Variants in ACER1 observed in about 807,000 individuals in gnomAD.
ACER1 encodes the protein alkaline ceramidase 1.
Under a neutral mutation model 24.9 loss-of-function variants are expected in ACER1, and 28 were observed. The observed-to-expected ratio is 1.13, with a 90% CI of 0.83 to 1.54. ACER1 has a LOEUF of 1.54. Among genes scored for constraint, ACER1 ranks in the 40% most tolerant of loss-of-function variants. ACER1 has a pLI of 0.00. For missense variants in ACER1, 352 were observed against 349.3 expected (o/e 1.01, Z -0.06); for synonymous variants, 132 against 131.4 (o/e 1.00, Z -0.03).
chr19:6,352,131 C>T, the ACER1 span, among the ~76,000 whole-genome samples: 9 of 152,080 alleles, frequency 5.9e-5, no homozygotes, highest in Middle Eastern at 3.4e-3. Flanking sequence ...TCTTTGCTAA[C>T]GTGGCCATGA....
At chr19:6,318,286 A>G (rs1333215900) in intron 1 of ACER1, among the ~76,000 whole-genome samples, 1 of 152,040 alleles carries the variant, frequency 6.6e-6, no homozygotes, top group Non-Finnish European at 1.5e-5. Flanking sequence ...CCTGGCCAAC[A>G]TGGAGAAACC....
chr19:6,352,566 G>A, the ACER1 span, among the ~76,000 whole-genome samples: 1 of 152,200 alleles, frequency 6.6e-6, no homozygotes, highest in Non-Finnish European at 1.5e-5. Flanking sequence ...CCTAAGTTTA[G>A]GGGCGGTTTG....
chr19:6,312,649 T>C, intron 1 of ACER1, 150 bp from the exon 2 acceptor site: 1 of 586,812 alleles, frequency 1.7e-6, no homozygotes. Context: ...CACTCACCTG[T>C]CAACCTTTCA....
chr19:6,308,642 G>T (rs2144994873), intron 4 of ACER1, among the ~76,000 whole-genome samples: 1 of 152,120 alleles, frequency 6.6e-6, no homozygotes, highest in Non-Finnish European at 1.5e-5. Flanking sequence ...GTATGTTTTG[G>T]GGTAGAGGTA....
chr19:6,319,320 C>T (rs960408503), intron 1 of ACER1, among the ~76,000 whole-genome samples: 9 of 152,124 alleles, frequency 5.9e-5, no homozygotes, highest in African/African-American at 2.2e-4. Context: ...GTCTCCCTCC[C>T]TGCCTTCCGG....
chr19:6,355,959 G>A, the ACER1 span, among the ~76,000 whole-genome samples: 14 of 151,992 alleles, frequency 9.2e-5, no homozygotes, highest in South Asian at 4.1e-4. Context: ...CCACCACCCC[G>A]TCTGGGAGGT....
chr19:6,354,323 T>C, the ACER1 span, among the ~76,000 whole-genome samples: 9 of 151,138 alleles, frequency 6.0e-5, no homozygotes, highest in South Asian at 2.1e-4. Context: ...TTTTTTTTAA[T>C]TGATGGGGGT....
At chr19:6,338,556 T>C (rs890314507), upstream of ACER1, among the ~76,000 whole-genome samples, 8 of 152,196 alleles carry the variant, frequency 5.3e-5, no homozygotes, top group Non-Finnish European at 1.0e-4. Flanking sequence ...TCTATATTAT[T>C]ATTGCAGGTT....
At chr19:6,324,622 G>A (rs1489131028) in intron 1 of ACER1, among the ~76,000 whole-genome samples, 2 of 151,256 alleles carry the variant, frequency 1.3e-5, no homozygotes, top group East Asian at 2.0e-4. Context: ...AAAATTAACC[G>A]GGCGTGGTGG....
In ACER1 at chr19:6,307,321, G is replaced by A. The variant is rs1202598613; in HGVS notation, c.489-31C>T. 4.8e-5 allele frequency: 78 copies of A among 1,611,536 alleles called. 1 individual carries two copies. In the Admixed American group the frequency reaches 1.3e-3, roughly 27 times the overall value. Reference sequence around the variant, plus strand: ...GAGGGGAGAGGGGGACCAGGGGCTGGCTCGGAGAGCAGCACCTGATGGGGC... The same window carrying A: ...GAGGGGAGAGGGGGACCAGGGGCTGACTCGGAGAGCAGCACCTGATGGGGC... On this transcript the variant is annotated intron_variant, in intron 4 of 5. Transcript: ENST00000301452.
At chr19:6,347,744 G>A in the ACER1 span, among the ~76,000 whole-genome samples, 7 of 152,164 alleles carry the variant, frequency 4.6e-5, no homozygotes, top group South Asian at 2.1e-4. Context: ...GCTGAGGCAG[G>A]AGAATCGCTT....
intron 1 of ACER1, among the ~76,000 whole-genome samples, chr19:6,331,937 C>T (rs1729417165): frequency 6.6e-6 from 1 of 151,748 alleles, no homozygotes; most frequent in Non-Finnish European, 1.5e-5. Context: ...TAAGCTTTGG[C>T]TAAATGCCGT....
intron 5 of ACER1, 120 bp from the exon 6 acceptor site, chr19:6,307,002 C>T (rs568999312): frequency 1.3e-5 from 19 of 1,488,930 alleles, no homozygotes; most frequent in East Asian, 4.6e-5. Flanking sequence ...GGTCTGGCCC[C>T]GTGACTGCAG....
chr19:6,340,112 TAAAAATAAA>T, the ACER1 span, among the ~76,000 whole-genome samples: 7 of 151,358 alleles, frequency 4.6e-5, no homozygotes, highest in Non-Finnish European at 1.0e-4. Flanking sequence ...CCGTCTCTAC[TAAAAATAAA>T]AAAAATAAAA....
chr19:6,315,907 A>T (rs1218791540), intron 1 of ACER1, among the ~76,000 whole-genome samples: 2 of 152,198 alleles, frequency 1.3e-5, no homozygotes, highest in Non-Finnish European at 2.9e-5. Flanking sequence ...AGACAGGCAA[A>T]TCACGAAGTC....
intron 3 of ACER1, among the ~76,000 whole-genome samples, chr19:6,311,909 A>C (rs2091583750): frequency 6.6e-6 from 1 of 152,236 alleles, no homozygotes; most frequent in East Asian, 1.9e-4. Context: ...AGGAAGTCCC[A>C]GGTTATCAAA....
the ACER1 span, among the ~76,000 whole-genome samples, chr19:6,348,615 T>C: frequency 2.0e-5 from 3 of 150,858 alleles, no homozygotes; most frequent in Non-Finnish European, 4.4e-5. Context: ...AACTAAATTA[T>C]GGGTTTTGAT....
intron 3 of ACER1, among the ~76,000 whole-genome samples, chr19:6,311,697 TAGA>T (rs1342954145): frequency 1.3e-5 from 2 of 149,834 alleles, no homozygotes; most frequent in Non-Finnish European, 3.0e-5. Context: ...GGTGGAAAAG[TAGA>T]AGGAGAAGGA....
chr19:6,322,819 C>G (rs1312445095), intron 1 of ACER1, among the ~76,000 whole-genome samples: 1 of 152,044 alleles, frequency 6.6e-6, no homozygotes, highest in African/African-American at 2.4e-5. Context: ...GTTTTAAAAA[C>G]AGGAGTTTCA....
Sources: gnomAD v4.1 joint callset for allele counts (sites outside exome capture counted in the v4.1 genomes callset) on GRCh38, gnomAD v4.1.1 for gene constraint, MANE v1.5 for transcripts, NCBI Gene and HGNC (gene_info 2026-07-23, HGNC 2026-07-21) for gene names.